Variants in GRIK4 observed in about 807,000 individuals in gnomAD.
The protein encoded by GRIK4 is glutamate ionotropic receptor kainate type subunit 4, also known as glutamate receptor ionotropic, kainate 4.
Under a neutral mutation model 104.9 loss-of-function variants are expected in GRIK4, and 40 were observed. That is an observed-to-expected ratio of 0.38 (90% CI 0.30 to 0.50). The LOEUF is 0.50. Ranked by LOEUF, GRIK4 falls within the 20% of genes least tolerant of loss-of-function variation. The probability of loss-of-function intolerance (pLI) is 0.93; values close to 1 mark genes in which losing one functional copy is unlikely to be tolerated. For missense variants in GRIK4, 1,047 were observed against 1,308.1 expected (o/e 0.80, Z 3.08); for synonymous variants, 485 against 524.9 (o/e 0.92, Z 1.04).
chr11:120,696,561 G>C (rs1165160014), intron 3 of GRIK4, among the ~76,000 whole-genome samples: 2 of 151,818 alleles, frequency 1.3e-5, no homozygotes, highest in Admixed American at 6.6e-5. Flanking sequence ...TGAAGAAGGG[G>C]ACTCAGAGCT....
At chr11:120,613,186 G>A (rs1420564446) in intron 1 of GRIK4, among the ~76,000 whole-genome samples, 1 of 152,202 alleles carries the variant, frequency 6.6e-6, no homozygotes, top group Non-Finnish European at 1.5e-5. Context: ...GCTGAGCCCA[G>A]CTGCTGCTTA....
intron 3 of GRIK4, among the ~76,000 whole-genome samples, chr11:120,711,485 C>T (rs1950734425): frequency 6.6e-6 from 1 of 152,096 alleles, no homozygotes; most frequent in African/African-American, 2.4e-5. Context: ...CTGAGGCACA[C>T]CCTGGCATGG....
chr11:120,749,609 CT>C (rs890243877), intron 3 of GRIK4, among the ~76,000 whole-genome samples: 4 of 152,176 alleles, frequency 2.6e-5, no homozygotes, highest in Admixed American at 2.6e-4. Flanking sequence ...GTTCGTCCAG[CT>C]GAGAATTGAG....
chr11:120,746,332 CAAGG>C (rs1490427749), intron 3 of GRIK4, among the ~76,000 whole-genome samples: 3 of 152,126 alleles, frequency 2.0e-5, no homozygotes, highest in African/African-American at 7.2e-5. Context: ...TCTGAAAACT[CAAGG>C]GAGGTACAAC....
At chr11:120,597,102 G>C (rs960463230) in intron 1 of GRIK4, among the ~76,000 whole-genome samples, 4 of 152,206 alleles carry the variant, frequency 2.6e-5, no homozygotes, top group Non-Finnish European at 5.9e-5. Context: ...AGGACCCCTG[G>C]CTTAGTCAAC....
chr11:120,842,222 G>T (rs971772131), intron 8 of GRIK4, among the ~76,000 whole-genome samples: 1 of 152,168 alleles, frequency 6.6e-6, no homozygotes, highest in African/African-American at 2.4e-5. Flanking sequence ...GGGTGTTTCT[G>T]GTAAGCAGCA....
chr11:120,552,382 A>G (rs141859576), intron 1 of GRIK4, among the ~76,000 whole-genome samples: 7 of 152,288 alleles, frequency 4.6e-5, no homozygotes, highest in African/African-American at 1.7e-4. Flanking sequence ...AGCAGAGGAA[A>G]AACAATTTGA....
intron 1 of GRIK4, among the ~76,000 whole-genome samples, chr11:120,527,203 T>C (rs1173026063): frequency 6.6e-6 from 1 of 152,208 alleles, no homozygotes. Context: ...CTTCTGGAGC[T>C]GCGTCATCTT....
At chr11:120,889,092 C>T (rs1259782664) in intron 11 of GRIK4, among the ~76,000 whole-genome samples, 2 of 152,198 alleles carry the variant, frequency 1.3e-5, no homozygotes, top group East Asian at 1.9e-4. Flanking sequence ...CCAACTTCAG[C>T]ATCTCCCTTT....
At chr11:120,811,676 A>C (rs564499997) in intron 4 of GRIK4, among the ~76,000 whole-genome samples, 1 of 152,286 alleles carries the variant, frequency 6.6e-6, no homozygotes, top group Non-Finnish European at 1.5e-5. Context: ...CTTCATATAG[A>C]TATACATATA....
intron 1 of GRIK4, among the ~76,000 whole-genome samples, chr11:120,569,897 G>T (rs1169773224): frequency 6.6e-6 from 1 of 152,194 alleles, no homozygotes; most frequent in Non-Finnish European, 1.5e-5. Context: ...TATGCCTCTT[G>T]TTCCTTTCCC....
chr11:120,713,576 C>T (rs1950777428), intron 3 of GRIK4, among the ~76,000 whole-genome samples: 1 of 152,202 alleles, frequency 6.6e-6, no homozygotes, highest in Non-Finnish European at 1.5e-5. Flanking sequence ...GGATTTATGA[C>T]CGTAGCTTGT....
At chr11:120,760,598 AC>A (rs1951733549) in intron 3 of GRIK4, among the ~76,000 whole-genome samples, 1 of 151,116 alleles carries the variant, frequency 6.6e-6, no homozygotes, top group African/African-American at 2.4e-5. Flanking sequence ...CCTCACCTAG[AC>A]TCCCAACCCC....
At position 120,787,852 on chromosome 11, in the gene GRIK4, C is replaced by CTTTTTTTTTTTTT. The variant is rs58523604; in HGVS notation, c.83-14824_83-14812dup. On this transcript the variant is annotated intron_variant, in intron 3 of 20. Coordinates refer to ENST00000527524, the MANE Select transcript of GRIK4 (RefSeq NM_014619.5). The stretch of plus-strand genomic sequence containing the variant: ...TTTCTTCTCTTTTTTCTTTTCTTTT[C>CTTTTTTTTTTTTT]TTTTTTTTTTTTTTTTTTTTTTTTT... Among the ~76,000 whole-genome samples the CTTTTTTTTTTTTT allele has an allele frequency of 1.5e-3, 116 of 77,108 alleles. 18 individuals carry two copies. Among genetic ancestry groups the CTTTTTTTTTTTTT allele is most frequent in the African/African-American group, 3.5e-3 (57 of 16,210 alleles). 50.6% of individuals were successfully genotyped at this position (77,108 alleles called of 152,430 possible). A position where few individuals can be genotyped will look rare whatever the true frequency, so the allele number is the denominator to read the frequency against.
chr11:120,795,026 C>A (rs1822423355), intron 3 of GRIK4, among the ~76,000 whole-genome samples: 1 of 152,016 alleles, frequency 6.6e-6, no homozygotes, highest in South Asian at 2.1e-4. Flanking sequence ...CCAGGGTCAG[C>A]TGGGGAGCAG....
chr11:120,550,403 A>C (rs1051488214), intron 1 of GRIK4, among the ~76,000 whole-genome samples: 4 of 151,140 alleles, frequency 2.6e-5, no homozygotes, highest in African/African-American at 9.9e-5. Context: ...CTGATTAGAC[A>C]ACTCAGCAGA....
intron 14 of GRIK4, among the ~76,000 whole-genome samples, chr11:120,951,926 G>T (rs191320459): frequency 6.6e-6 from 1 of 152,218 alleles, no homozygotes; most frequent in Non-Finnish European, 1.5e-5. Context: ...TCTGTGGGCC[G>T]TATGCATCCA....
At chr11:120,715,450 C>CCT (rs1591829012) in intron 3 of GRIK4, among the ~76,000 whole-genome samples, 2 of 152,124 alleles carry the variant, frequency 1.3e-5, no homozygotes, top group East Asian at 3.9e-4. Flanking sequence ...CATGAACCCC[C>CCT]CTAGAGGTTG....
chr11:120,664,675 A>T (rs1277937331), intron 3 of GRIK4, among the ~76,000 whole-genome samples: 4 of 152,252 alleles, frequency 2.6e-5, no homozygotes. Context: ...CAGCCATCAC[A>T]TTAAATACAT....
Sources: allele counts gnomAD v4.1 joint callset (sites outside exome capture counted in the v4.1 genomes callset), GRCh38; gene constraint gnomAD v4.1.1; transcripts MANE v1.5; gene names NCBI Gene and HGNC (gene_info 2026-07-23, HGNC 2026-07-21).